The following PAK5 variants were observed in gnomAD, a reference collection of about 807,000 sequenced individuals.
The protein encoded by PAK5 is serine/threonine-protein kinase PAK 5.
A neutral mutation model predicts 65.9 loss-of-function variants in PAK5; 16 were observed. The observed-to-expected ratio is 0.24, with a 90% CI of 0.16 to 0.37. The LOEUF is 0.37. PAK5 is among the 10% of genes least tolerant of loss of function. The probability of loss-of-function intolerance (pLI) is 1.00; values close to 1 mark genes in which losing one functional copy is unlikely to be tolerated. For missense variants in PAK5, 785 were observed against 903.9 expected (o/e 0.87, Z 1.69); for synonymous variants, 371 against 354.9 (o/e 1.05, Z -0.51).
chr20:9,720,742 G>C (rs1427512890), intron 1 of PAK5, among the ~76,000 whole-genome samples: 3 of 152,094 alleles, frequency 2.0e-5, no homozygotes, highest in African/African-American at 7.2e-5. Flanking sequence ...ATAACATGCA[G>C]TATATCCAAT....
chr20:9,825,215 G>A (rs752875037), intron 1 of PAK5, among the ~76,000 whole-genome samples: 3 of 152,094 alleles, frequency 2.0e-5, no homozygotes, highest in Non-Finnish European at 4.4e-5. Flanking sequence ...ATAAAATTGA[G>A]GTCTGAAAAG....
At chr20:9,730,271 C>T (rs2423444) in intron 1 of PAK5, among the ~76,000 whole-genome samples, 101,433 of 151,804 alleles carry the variant, frequency 0.67, 34,186 homozygotes, top group South Asian at 0.84. Flanking sequence ...ATATCTCTAA[C>T]AAAAAGTAGT....
intron 3 of PAK5, among the ~76,000 whole-genome samples, chr20:9,630,103 T>A (rs1286158392): frequency 1.3e-5 from 2 of 152,172 alleles, no homozygotes; most frequent in East Asian, 3.9e-4. Flanking sequence ...TTCTTTCTGC[T>A]TGTAGTAAAA....
intron 3 of PAK5, among the ~76,000 whole-genome samples, chr20:9,631,457 G>A (rs1339268028): frequency 3.9e-5 from 6 of 152,180 alleles, no homozygotes; most frequent in Non-Finnish European, 8.8e-5. Context: ...GAAGAAGCAA[G>A]CTGTCACGCA....
At chr20:9,583,355 G>T (rs922738468) in intron 3 of PAK5, among the ~76,000 whole-genome samples, 4 of 152,180 alleles carry the variant, frequency 2.6e-5, no homozygotes, top group African/African-American at 9.6e-5. Flanking sequence ...CCTATTCAGT[G>T]CTAGTATAAC....
intron 2 of PAK5, among the ~76,000 whole-genome samples, chr20:9,670,807 G>A (rs1251533456): frequency 3.3e-5 from 5 of 152,140 alleles, no homozygotes; most frequent in Non-Finnish European, 7.3e-5. Flanking sequence ...TTTGGCTTTC[G>A]TTGCCATTGC....
Position 9,624,204 on chromosome 20 carries a change from A to G in PAK5, c.204+19921T>C, listed in dbSNP as rs111634146. Among the ~76,000 whole-genome samples the G allele has an allele frequency of 6.3e-3, 966 of 152,342 alleles. 11 individuals carry two copies. Among genetic ancestry groups the G allele is most frequent in the African/African-American group, 0.022 (910 of 41,578 alleles). On this transcript the variant is annotated intron_variant, in intron 3 of 9. Transcript: ENST00000353224. ...AAATTTGGCAGAAAGAGTTTTTGCT[A>G]TAAAAATAAGTAAGGCATAGGAGAA...
intron 1 of PAK5, among the ~76,000 whole-genome samples, chr20:9,776,961 G>A (rs1475261058): frequency 6.6e-6 from 1 of 152,172 alleles, no homozygotes; most frequent in East Asian, 1.9e-4. Context: ...TATTCACTAT[G>A]AGCTAATTAT....
chr20:9,835,715 T>C (rs11905996), intron 1 of PAK5, among the ~76,000 whole-genome samples: 4,563 of 152,116 alleles, frequency 0.03, 217 homozygotes, highest in African/African-American at 0.1. Flanking sequence ...TTTAGAGATC[T>C]ATAGAGAAAA....
At chr20:9,772,070 C>T (rs2048839832) in intron 1 of PAK5, among the ~76,000 whole-genome samples, 1 of 152,076 alleles carries the variant, frequency 6.6e-6, no homozygotes. Context: ...AATTATTACC[C>T]ACTTCTTGTA....
intron 2 of PAK5, among the ~76,000 whole-genome samples, chr20:9,692,483 A>G (rs1435662327): frequency 6.6e-6 from 1 of 152,168 alleles, no homozygotes; most frequent in Non-Finnish European, 1.5e-5. Flanking sequence ...GTTATGTTTT[A>G]TTCCATGGAT....
intron 1 of PAK5, among the ~76,000 whole-genome samples, chr20:9,750,422 A>G (rs1481801956): frequency 6.6e-6 from 1 of 152,172 alleles, no homozygotes. Context: ...AAAACTTTTA[A>G]ATCCTTCTAA....
intron 1 of PAK5, among the ~76,000 whole-genome samples, chr20:9,711,926 C>T (rs980635815): frequency 6.6e-6 from 1 of 152,192 alleles, no homozygotes; most frequent in East Asian, 1.9e-4. Context: ...AACTCTGTGG[C>T]TCCAATATTT....
chr20:9,826,225 ACTGT>A (rs34963585), intron 1 of PAK5, among the ~76,000 whole-genome samples: 40,271 of 151,802 alleles, frequency 0.27, 6,272 homozygotes, highest in African/African-American at 0.44. Flanking sequence ...GAAATTTCAC[ACTGT>A]CTGTGTTAAA....
chr20:9,685,702 G>T (rs957164086), intron 2 of PAK5, among the ~76,000 whole-genome samples: 1 of 152,338 alleles, frequency 6.6e-6, no homozygotes, highest in East Asian at 1.9e-4. Context: ...ATACAAAGGG[G>T]ATAACAGTAT....
chr20:9,830,162 A>T (rs893296615), intron 1 of PAK5, among the ~76,000 whole-genome samples: 11 of 152,166 alleles, frequency 7.2e-5, no homozygotes, highest in African/African-American at 2.7e-4. Context: ...GCCCTCTAAT[A>T]TACAGTGACC....
chr20:9,688,620 A>G (rs2123425678), intron 2 of PAK5, among the ~76,000 whole-genome samples: 1 of 151,938 alleles, frequency 6.6e-6, no homozygotes, highest in South Asian at 2.1e-4. Flanking sequence ...AGCAGAGACC[A>G]GGAAACATTG....
At chr20:9,591,442 A>G (rs564634224) in intron 3 of PAK5, among the ~76,000 whole-genome samples, 3 of 152,306 alleles carry the variant, frequency 2.0e-5, no homozygotes, top group South Asian at 2.1e-4. Context: ...GGCAGAATAT[A>G]AAATATTTCC....
chr20:9,666,057 G>A (rs143211414), intron 2 of PAK5, among the ~76,000 whole-genome samples: 1 of 152,140 alleles, frequency 6.6e-6, no homozygotes, highest in Non-Finnish European at 1.5e-5. Context: ...TCCTTAACTA[G>A]CCTGCCAGGA....
Sources: gnomAD v4.1 joint callset for allele counts (sites outside exome capture counted in the v4.1 genomes callset) on GRCh38, gnomAD v4.1.1 for gene constraint, MANE v1.5 for transcripts, NCBI Gene and HGNC (gene_info 2026-07-23, HGNC 2026-07-21) for gene names.